The following PAFAH1B1 variants were observed in gnomAD, a reference collection of about 807,000 sequenced individuals.
The protein encoded by PAFAH1B1 is platelet activating factor acetylhydrolase 1b regulatory subunit 1.
PAFAH1B1 carries 2 observed loss-of-function variants against 57.5 expected under a neutral mutation model. The observed-to-expected ratio is 0.03, with a 90% CI of 0.01 to 0.11. The LOEUF (loss-of-function observed/expected upper bound fraction) is 0.11, where lower values mean the gene tolerates loss of function less well. Ranked by LOEUF, PAFAH1B1 falls within the 10% of genes least tolerant of loss-of-function variation. The pLI, the probability that PAFAH1B1 is intolerant of heterozygous loss-of-function variation, is 1.00. For missense variants in PAFAH1B1, 257 were observed against 512.0 expected, an observed-to-expected ratio of 0.50 and a Z score of 4.81; for synonymous variants, 152 against 169.6, an observed-to-expected ratio of 0.90 and a Z score of 0.81.
chr17:2,680,373 A>G, intron 10 of PAFAH1B1, 53 bp downstream of exon 10: 1 of 1,494,092 alleles, frequency 6.7e-7, no homozygotes, highest in Non-Finnish European at 9.3e-7. Flanking sequence ...TGCCAGACAA[A>G]CTGTGTTTTA....
chr17:2,669,513 C>T (rs1474243056), intron 5 of PAFAH1B1, among the ~76,000 whole-genome samples: 1 of 152,176 alleles, frequency 6.6e-6, no homozygotes, highest in Non-Finnish European at 1.5e-5. Flanking sequence ...CCCGCCTTGG[C>T]CTTCCTAAGT....
Position 2,682,175 on chromosome 17 carries a change from C to G in PAFAH1B1, c.*373C>G, listed in dbSNP as rs1429502286. ...CTTTCTGCTATCTGTTGGTGCCTGA[C>G]TTGATGGCCTCATTTGGGGAAAAGT... On this transcript the variant is annotated 3_prime_UTR_variant, in exon 11 of 11. Coordinates refer to ENST00000397195, the MANE Select transcript of PAFAH1B1 (RefSeq NM_000430.4). 5.8e-6 allele frequency: 1 copy of G among 173,254 alleles called. No homozygotes were observed. Among genetic ancestry groups the G allele is most frequent in the Non-Finnish European group, 1.2e-5 (1 of 81,154 alleles). 10.7% of individuals were successfully genotyped at this position (173,254 alleles called of 1,614,324 possible).
intron 1 of PAFAH1B1, among the ~76,000 whole-genome samples, chr17:2,614,435 C>G (rs1352590846): frequency 6.6e-6 from 1 of 152,020 alleles, no homozygotes; most frequent in African/African-American, 2.4e-5. Context: ...GTTTGCTGAC[C>G]CCTGGTCTAG....
chr17:2,648,677 CAAAA>C lies in PAFAH1B1; in HGVS notation c.32+10370_32+10373del, dbSNP rs56187260. On this transcript the variant is annotated intron_variant, in intron 2 of 10. Coordinates refer to ENST00000397195, the MANE Select transcript of PAFAH1B1 (RefSeq NM_000430.4). Reference sequence around the variant, plus strand: ...TGGGCAACAGAGTGAGACTCTGTCTCAAAAAAAAAAAAAAAAGTGAAACACCATA... The same window carrying C: ...TGGGCAACAGAGTGAGACTCTGTCTCAAAAAAAAAAAAGTGAAACACCATA... Among the ~76,000 whole-genome samples, 256 of 87,014 alleles carry C rather than the reference CAAAA, an allele frequency of 2.9e-3. 1 individual carries two copies. The highest frequency in any genetic ancestry group is 0.011 in the African/African-American group (241 of 21,886). The allele number at this position is 87,014 out of a possible 152,430, so 57.1% of individuals were successfully genotyped here. A position where few individuals can be genotyped will look rare whatever the true frequency, so the allele number is the denominator to read the frequency against.
chr17:2,682,648 T>G lies in PAFAH1B1; in HGVS notation c.*846T>G, dbSNP rs1354517416. On this transcript the variant is annotated 3_prime_UTR_variant, in exon 11 of 11. Transcript: ENST00000397195. ...AGTAGAATTTAATCTCCCCATTGAG[T>G]GTGTCATGGTACAAATCACTATTCG... The G allele has an allele frequency of 6.6e-6, 1 of 152,640 alleles. No individual in the cohort carries two copies. Among genetic ancestry groups the G allele is most frequent in the Admixed American group, 6.5e-5 (1 of 15,280 alleles). The allele number at this position is 152,640 out of a possible 1,614,324, so 9.5% of individuals were successfully genotyped here. A position where few individuals can be genotyped will look rare whatever the true frequency, so the allele number is the denominator to read the frequency against.
At chr17:2,617,797 G>T (rs951775284) in intron 1 of PAFAH1B1, among the ~76,000 whole-genome samples, 4 of 152,092 alleles carry the variant, frequency 2.6e-5, no homozygotes, top group Admixed American at 2.6e-4. Context: ...GTGGGTGTCT[G>T]TAATCCCAGC....
chr17:2,596,676 T>C (rs1567520414), intron 1 of PAFAH1B1, among the ~76,000 whole-genome samples: 1 of 152,174 alleles, frequency 6.6e-6, no homozygotes, highest in Non-Finnish European at 1.5e-5. Flanking sequence ...GAAGGGTTAT[T>C]ATGGTGAGGA....
intron 1 of PAFAH1B1, among the ~76,000 whole-genome samples, chr17:2,621,830 C>T (rs906383039): frequency 4.6e-5 from 7 of 151,786 alleles, no homozygotes; most frequent in African/African-American, 1.2e-4. Context: ...TGTATTCGTT[C>T]GTTTTCACGT....
intron 2 of PAFAH1B1, among the ~76,000 whole-genome samples, chr17:2,653,842 T>A (rs772950233): frequency 9.9e-5 from 15 of 152,196 alleles, no homozygotes; most frequent in Non-Finnish European, 2.2e-4. Flanking sequence ...AGTCTTATAC[T>A]CTGTTGCCCA....
chr17:2,666,938 A>G lies in PAFAH1B1; in HGVS notation c.193-54A>G. The G allele has an allele frequency of 2.2e-6, 3 of 1,387,044 alleles. No individual in the cohort carries two copies. The South Asian group carries it at 3.5e-5, about 16-fold the overall frequency. The allele number at this position is 1,387,044 out of a possible 1,614,324, so 85.9% of individuals were successfully genotyped here. A position where few individuals can be genotyped will look rare whatever the true frequency, so the allele number is the denominator to read the frequency against. The stretch of plus-strand genomic sequence containing the variant: ...AATAAAGGCAGTTTTTTAAAATGTC[A>G]CATGCTATTTTTATTGAAATCTATC... On this transcript the variant is annotated intron_variant, in intron 4 of 10. Coordinates refer to ENST00000397195, the MANE Select transcript of PAFAH1B1 (RefSeq NM_000430.4).
intron 2 of PAFAH1B1, among the ~76,000 whole-genome samples, chr17:2,659,878 G>A (rs1044210044): frequency 6.6e-6 from 1 of 152,122 alleles, no homozygotes; most frequent in South Asian, 2.1e-4. Context: ...AGACTTGATT[G>A]ATATCCTGTG....
At chr17:2,649,434 C>T (rs969568196) in intron 2 of PAFAH1B1, among the ~76,000 whole-genome samples, 5 of 151,538 alleles carry the variant, frequency 3.3e-5, no homozygotes, top group Non-Finnish European at 5.9e-5. Flanking sequence ...TCTAGCCAGC[C>T]GTGGTGGTGC....
At chr17:2,678,411 A>C (rs1164407766) in intron 9 of PAFAH1B1, among the ~76,000 whole-genome samples, 1 of 150,794 alleles carries the variant, frequency 6.6e-6, no homozygotes, top group African/African-American at 2.4e-5. Flanking sequence ...AAAAAAAAAA[A>C]AAAAAAAACC....
At chr17:2,669,295 A>C (rs1258546206) in intron 5 of PAFAH1B1, among the ~76,000 whole-genome samples, 1 of 140,140 alleles carries the variant, frequency 7.1e-6, no homozygotes, top group Non-Finnish European at 1.5e-5. Flanking sequence ...ATGGAGTTTC[A>C]CTCTTGTTAC....
At chr17:2,616,380 A>G (rs1281261322) in intron 1 of PAFAH1B1, among the ~76,000 whole-genome samples, 1 of 152,080 alleles carries the variant, frequency 6.6e-6, no homozygotes, top group African/African-American at 2.4e-5. Flanking sequence ...TGTTTGAGGA[A>G]TTGGCTCATG....
At chr17:2,663,983 G>A (rs546369809) in intron 2 of PAFAH1B1, among the ~76,000 whole-genome samples, 72 of 151,982 alleles carry the variant, frequency 4.7e-4, no homozygotes, top group African/African-American at 1.2e-3. Context: ...GTGAGCCACC[G>A]CTCCCAGCCT....
intron 2 of PAFAH1B1, among the ~76,000 whole-genome samples, chr17:2,658,006 T>C (rs910399600): frequency 6.6e-6 from 1 of 152,254 alleles, no homozygotes; most frequent in African/African-American, 2.4e-5. Flanking sequence ...CTTTGCCTTA[T>C]GAGTTTTTGA....
intron 2 of PAFAH1B1, among the ~76,000 whole-genome samples, chr17:2,644,798 C>T (rs2068744804): frequency 6.6e-6 from 1 of 152,142 alleles, no homozygotes; most frequent in Admixed American, 6.5e-5. Context: ...TATGAACTCA[C>T]TGCAGTCACA....
In PAFAH1B1 at chr17:2,594,898, C is replaced by G. The variant is rs532874922; in HGVS notation, c.-191+892C>G. Among the ~76,000 whole-genome samples, 165 of 152,306 alleles carry G rather than the reference C, an allele frequency of 1.1e-3. 1 individual carries two copies. The highest frequency in any genetic ancestry group is 3.8e-3 in the African/African-American group (158 of 41,566). The stretch of plus-strand genomic sequence containing the variant: ...TTGAGGTGGTCGACACATTTTGACT[C>G]TGCACCTCTAAACGTAGCAGTAGAG... On this transcript the variant is annotated intron_variant, in intron 1 of 10. Coordinates refer to ENST00000397195, the MANE Select transcript of PAFAH1B1 (RefSeq NM_000430.4).
Sources: gnomAD v4.1 joint callset for allele counts (sites outside exome capture counted in the v4.1 genomes callset) on GRCh38, gnomAD v4.1.1 for gene constraint, MANE v1.5 for transcripts, NCBI Gene and HGNC (gene_info 2026-07-23, HGNC 2026-07-21) for gene names.